Variants in PDZRN3 observed in about 807,000 individuals in gnomAD.
PDZRN3 encodes PDZ domain containing ring finger 3.
A neutral mutation model predicts 85.7 loss-of-function variants in PDZRN3; 38 were observed. The ratio of observed to expected loss-of-function variants is 0.44; its 90% confidence interval spans 0.34 to 0.58. PDZRN3 has a LOEUF of 0.58. PDZRN3 is among the 20% of genes least tolerant of loss of function. PDZRN3 has a pLI of 0.01. For synonymous variants in PDZRN3, 759 were observed against 638.0 expected (o/e 1.19, Z -2.86); for missense variants, 1,629 against 1,506.4 (o/e 1.08, Z -1.35).
intron 2 of PDZRN3, among the ~76,000 whole-genome samples, chr3:73,607,082 G>A (rs988402766): frequency 1.3e-5 from 2 of 152,012 alleles, no homozygotes; most frequent in Admixed American, 1.3e-4. Flanking sequence ...CTCTGTTCCT[G>A]CTCCAGGCCT....
chr3:73,519,903 G>A (rs1220866038), intron 3 of PDZRN3, among the ~76,000 whole-genome samples: 2 of 152,170 alleles, frequency 1.3e-5, no homozygotes, highest in Non-Finnish European at 1.5e-5. Flanking sequence ...ACTGGCCAGA[G>A]CTGCCATAGA....
intron 3 of PDZRN3, among the ~76,000 whole-genome samples, chr3:73,541,665 A>AC (rs1433797813): frequency 1.3e-5 from 2 of 152,136 alleles, no homozygotes; most frequent in African/African-American, 2.4e-5. Flanking sequence ...TTCTATAGCA[A>AC]TTTTTTTGAA....
intron 3 of PDZRN3, among the ~76,000 whole-genome samples, chr3:73,524,336 A>G (rs552935548): frequency 6.6e-6 from 1 of 152,342 alleles, no homozygotes; most frequent in Admixed American, 6.5e-5. Context: ...GTAAGTCTTT[A>G]AAAAAGCTTA....
chr3:73,408,591 G>C (rs9819255), intron 3 of PDZRN3, among the ~76,000 whole-genome samples: 2 of 150,224 alleles, frequency 1.3e-5, no homozygotes, highest in South Asian at 2.1e-4. Flanking sequence ...TTGGAGGAGG[G>C]GGGGGGGTGC....
intron 1 of PDZRN3, among the ~76,000 whole-genome samples, chr3:73,620,287 G>C (rs898507617): frequency 2.0e-5 from 3 of 152,170 alleles, no homozygotes; most frequent in African/African-American, 7.2e-5. Context: ...AAGAACAAAA[G>C]GTATCGAGGA....
chr3:73,485,249 A>G (rs1175858235), intron 3 of PDZRN3, among the ~76,000 whole-genome samples: 2 of 151,638 alleles, frequency 1.3e-5, no homozygotes, highest in South Asian at 2.1e-4. Flanking sequence ...TGACATACAG[A>G]TTCAGCACTC....
chr3:73,426,520 T>C (rs1702319049), intron 3 of PDZRN3, among the ~76,000 whole-genome samples: 1 of 152,068 alleles, frequency 6.6e-6, no homozygotes, highest in Non-Finnish European at 1.5e-5. Context: ...AACAAAACAA[T>C]TTATTTTTGG....
intron 3 of PDZRN3, among the ~76,000 whole-genome samples, chr3:73,596,162 C>T (rs1409957048): frequency 6.6e-6 from 1 of 152,022 alleles, no homozygotes; most frequent in Non-Finnish European, 1.5e-5. Context: ...CTCCATTGGG[C>T]CAAAACTTGG....
chr3:73,516,448 T>A (rs185992209), intron 3 of PDZRN3, among the ~76,000 whole-genome samples: 1 of 152,174 alleles, frequency 6.6e-6, no homozygotes, highest in African/African-American at 2.4e-5. Flanking sequence ...ATGAATGAAG[T>A]TGAGTACCTT....
chr3:73,476,829 C>T (rs919763143), intron 3 of PDZRN3, among the ~76,000 whole-genome samples: 7 of 152,162 alleles, frequency 4.6e-5, no homozygotes, highest in Non-Finnish European at 8.8e-5. Flanking sequence ...TCATGGAAGC[C>T]GACCCTCAGC....
intron 3 of PDZRN3, among the ~76,000 whole-genome samples, chr3:73,511,457 G>A (rs1704163418): frequency 6.6e-6 from 1 of 152,184 alleles, no homozygotes; most frequent in Admixed American, 6.5e-5. Context: ...AACGTGGTGG[G>A]ATTTCACATG....
chr3:73,479,312 C>T (rs1487201545), intron 3 of PDZRN3, among the ~76,000 whole-genome samples: 1 of 152,076 alleles, frequency 6.6e-6, no homozygotes, highest in Non-Finnish European at 1.5e-5. Flanking sequence ...TGTAAAGAGA[C>T]CAATTAGCAG....
chr3:73,494,081 T>C (rs1334326209), intron 3 of PDZRN3, among the ~76,000 whole-genome samples: 1 of 152,230 alleles, frequency 6.6e-6, no homozygotes, highest in Admixed American at 6.5e-5. Flanking sequence ...TGTCATTTGC[T>C]TTTCGCTATG....
intron 3 of PDZRN3, 100 bp from the exon 4 acceptor site, chr3:73,404,495 A>G: frequency 7.7e-7 from 1 of 1,305,824 alleles, no homozygotes; most frequent in Non-Finnish European, 1.1e-6. Flanking sequence ...CAGCTAAAAG[A>G]AAGAAGCAGG....
intron 3 of PDZRN3, among the ~76,000 whole-genome samples, chr3:73,567,042 A>T (rs1220206471): frequency 6.6e-6 from 1 of 152,248 alleles, no homozygotes; most frequent in Non-Finnish European, 1.5e-5. Context: ...AGCCCCAAAT[A>T]TCTAAAGTAA....
At chr3:73,388,136 C>T (rs1329219149) in intron 7 of PDZRN3, 67 bp from the exon 8 acceptor site, 1 of 768,738 alleles carries the variant, frequency 1.3e-6, no homozygotes, top group Admixed American at 2.5e-5. Flanking sequence ...GGTGCAAAAT[C>T]ATTCTATTTT....
chr3:73,564,537 T>A (rs1312064274), intron 3 of PDZRN3, among the ~76,000 whole-genome samples: 1 of 152,016 alleles, frequency 6.6e-6, no homozygotes, highest in Non-Finnish European at 1.5e-5. Flanking sequence ...CTCTTGTGGG[T>A]TGAAGAGGCA....
intron 3 of PDZRN3, chr3:73,433,875 C>T: frequency 7.0e-7 from 1 of 1,432,176 alleles, no homozygotes; most frequent in Non-Finnish European, 9.1e-7. Flanking sequence ...AACTCTCTCC[C>T]CCCTTCCACG....
rs202184460 is a variant in PDZRN3, at chr3:73,565,117, ATTTTTTTTTTTTTTTTTT to A, written c.918+37219_918+37236del. 5.0e-3 allele frequency among the ~76,000 whole-genome samples: 699 copies of A among 138,930 alleles called. 10 individuals carry two copies. The highest frequency in any genetic ancestry group is 6.9e-3 in the Non-Finnish European group (448 of 65,284). 91.1% of individuals were successfully genotyped at this position (138,930 alleles called of 152,430 possible). A position where few individuals can be genotyped will look rare whatever the true frequency, so the allele number is the denominator to read the frequency against. ...CTTTAGGGAAATACTATATCCACCA[ATTTTTTTTTTTTTTTTTT>A]TTTTTTTTTTTGAGATGGATTCTTA... On this transcript the variant is annotated intron_variant, in intron 3 of 9. Transcript: ENST00000263666.
Sources: allele counts gnomAD v4.1 joint callset (sites outside exome capture counted in the v4.1 genomes callset), GRCh38; gene constraint gnomAD v4.1.1; transcripts MANE v1.5; gene names NCBI Gene and HGNC (gene_info 2026-07-23, HGNC 2026-07-21).